NCAM1: variants seen among roughly 807,000 people sequenced by gnomAD.
NCAM1 encodes neural cell adhesion molecule 1, also known as antigen recognized by monoclonal antibody 5.1H11.
A neutral mutation model predicts 109.8 loss-of-function variants in NCAM1; 14 were observed. The ratio of observed to expected loss-of-function variants is 0.13; its 90% confidence interval spans 0.08 to 0.20. The LOEUF (loss-of-function observed/expected upper bound fraction) is 0.20. Ranked by LOEUF, NCAM1 falls within the 10% of genes least tolerant of loss-of-function variation. NCAM1 has a pLI of 1.00. For missense variants in NCAM1, 774 were observed against 1,109.9 expected, an observed-to-expected ratio of 0.70 and a Z score of 4.30; for synonymous variants, 418 against 442.9, an observed-to-expected ratio of 0.94 and a Z score of 0.70.
intron 1 of NCAM1, among the ~76,000 whole-genome samples, chr11:113,115,244 G>A (rs532098439): frequency 3.6e-4 from 55 of 152,188 alleles, no homozygotes; most frequent in Non-Finnish European, 5.0e-4. Flanking sequence ...ATCATAAAAC[G>A]TACAAAACAG....
At chr11:113,246,881 T>C (rs1194745163) in intron 15 of NCAM1, among the ~76,000 whole-genome samples, 1 of 152,266 alleles carries the variant, frequency 6.6e-6, no homozygotes, top group East Asian at 1.9e-4. Context: ...ATAAAATTCA[T>C]GCACATTGAG....
chr11:113,071,100 TAA>T (rs1555085214), intron 1 of NCAM1, among the ~76,000 whole-genome samples: 1 of 151,852 alleles, frequency 6.6e-6, no homozygotes, highest in East Asian at 1.9e-4. Context: ...CGGTGAAAAG[TAA>T]AGTCAATGAG....
intron 1 of NCAM1, among the ~76,000 whole-genome samples, chr11:113,111,743 C>T (rs1555093751): frequency 3.3e-5 from 5 of 151,870 alleles, no homozygotes; most frequent in Non-Finnish European, 1.5e-5. Flanking sequence ...CTATGAATAT[C>T]CATTACAAAT....
At chr11:113,028,976 G>T (rs1332598041) in intron 1 of NCAM1, among the ~76,000 whole-genome samples, 1 of 152,094 alleles carries the variant, frequency 6.6e-6, no homozygotes, top group Non-Finnish European at 1.5e-5. Context: ...ATGCTAACAG[G>T]TTATGACATG....
At chr11:113,256,929 G>T (rs1555122445) in intron 16 of NCAM1, among the ~76,000 whole-genome samples, 1 of 152,204 alleles carries the variant, frequency 6.6e-6, no homozygotes, top group African/African-American at 2.4e-5. Flanking sequence ...CTTTTTCTGG[G>T]AAGCTGAGTT....
chr11:112,977,538 A>C (rs1591206784), intron 1 of NCAM1: 2 of 151,902 alleles, frequency 1.3e-5, no homozygotes, highest in East Asian at 3.9e-4. Flanking sequence ...ATAGAAAAGT[A>C]TAGATTGAGT....
intron 1 of NCAM1, among the ~76,000 whole-genome samples, chr11:113,184,998 TACAC>T (rs1239584594): frequency 6.6e-6 from 1 of 150,694 alleles, no homozygotes; most frequent in African/African-American, 2.5e-5. Flanking sequence ...AGGAGATACA[TACAC>T]ACACATGCAT....
chr11:113,025,323 C>A (rs1190246612), intron 1 of NCAM1, among the ~76,000 whole-genome samples: 3 of 152,112 alleles, frequency 2.0e-5, no homozygotes, highest in Non-Finnish European at 4.4e-5. Context: ...AACTGTAGAA[C>A]AACTACAAAA....
intron 1 of NCAM1, among the ~76,000 whole-genome samples, chr11:112,964,046 A>C (rs1408944207): frequency 6.6e-6 from 1 of 152,142 alleles, no homozygotes; most frequent in Non-Finnish European, 1.5e-5. Context: ...TTTTTTAAAA[A>C]AATCAAAGAA....
chr11:113,194,488 A>G (rs1555110451), intron 1 of NCAM1, among the ~76,000 whole-genome samples: 5 of 152,180 alleles, frequency 3.3e-5, no homozygotes, highest in Non-Finnish European at 1.5e-5. Context: ...GAAAAATGAT[A>G]GATTTTGGAA....
intron 1 of NCAM1, among the ~76,000 whole-genome samples, chr11:113,164,879 AC>A (rs1363595980): frequency 1.3e-5 from 2 of 152,116 alleles, no homozygotes; most frequent in Admixed American, 1.3e-4. Flanking sequence ...GAATGCTCCA[AC>A]CTTCTAATCA....
chr11:112,979,412 A>G (rs572866710), intron 1 of NCAM1, among the ~76,000 whole-genome samples: 6 of 151,832 alleles, frequency 4.0e-5, no homozygotes, highest in Non-Finnish European at 8.8e-5. Context: ...TTTGTGATTC[A>G]TAAATTGGGG....
chr11:113,052,486 C>T (rs542505837), intron 1 of NCAM1, among the ~76,000 whole-genome samples: 1 of 151,880 alleles, frequency 6.6e-6, no homozygotes, highest in South Asian at 2.1e-4. Flanking sequence ...GTGGGTTTCA[C>T]ATGGGACTCA....
At position 113,270,346 on chromosome 11, in the gene NCAM1, G is replaced by A. The variant is rs782010663; in HGVS notation, c.2290G>A (p.Gly764Arg). 45 of 1,613,876 alleles carry A rather than the reference G, an allele frequency of 2.8e-5. No individual in the cohort carries two copies. Among genetic ancestry groups the A allele is most frequent in the Middle Eastern group, 1.6e-4 (1 of 6,084 alleles). Residue 764 changes from glycine to arginine, a missense_variant, in exon 18 of 20, where the codon GGG (glycine) becomes AGG (arginine). This residue lies in a region of NCAM1 where 122 missense variants were observed against 129.7 expected (regional missense o/e 0.94). Transcript: ENST00000316851. ...CIAVNLCGKA[G>R]PGAKGKDMEE... ...TGCGGTCAACCTGTGTGGAAAAGCC[G>A]GGCCCGGGGCCAAGGGCAAGGACAT...
At chr11:113,091,135 C>T (rs563801788) in intron 1 of NCAM1, among the ~76,000 whole-genome samples, 2 of 152,278 alleles carry the variant, frequency 1.3e-5, no homozygotes, top group South Asian at 2.1e-4. Flanking sequence ...ATCTCTCCCC[C>T]GCCACACACA....
intron 9 of NCAM1, among the ~76,000 whole-genome samples, chr11:113,226,601 C>G (rs1205980782): frequency 6.6e-6 from 1 of 152,220 alleles, no homozygotes; most frequent in Non-Finnish European, 1.5e-5. Context: ...CTACAGAACT[C>G]TCCACCCCAA....
chr11:113,247,511 G>T (rs1555120528), intron 15 of NCAM1, among the ~76,000 whole-genome samples: 1 of 152,134 alleles, frequency 6.6e-6, no homozygotes, highest in Non-Finnish European at 1.5e-5. Flanking sequence ...CTGTGTGTTA[G>T]CCCTGTGTAC....
At chr11:113,056,124 G>T (rs782052658) in intron 1 of NCAM1, among the ~76,000 whole-genome samples, 3 of 149,338 alleles carry the variant, frequency 2.0e-5, no homozygotes, top group Admixed American at 2.0e-4. Flanking sequence ...TGGAACCGGA[G>T]GTCTTTATGT....
At chr11:113,271,083 A>G (rs1207162660) in intron 18 of NCAM1, among the ~76,000 whole-genome samples, 2 of 152,132 alleles carry the variant, frequency 1.3e-5, no homozygotes, top group East Asian at 3.9e-4. Context: ...ATGTACTTAG[A>G]AATGTATGTA....
Sources: allele counts gnomAD v4.1 joint callset (sites outside exome capture counted in the v4.1 genomes callset), GRCh38; gene constraint gnomAD v4.1.1; regional missense constraint gnomAD v4.1.1; transcripts MANE v1.5; gene names NCBI Gene and HGNC (gene_info 2026-07-23, HGNC 2026-07-21).